The following MYO16 variants were observed in gnomAD, a reference collection of about 807,000 sequenced individuals.
The protein encoded by MYO16 is myosin XVI.
MYO16 carries 94 observed loss-of-function variants against 205.3 expected under a neutral mutation model. The observed-to-expected ratio is 0.46, with a 90% CI of 0.39 to 0.54. The LOEUF is 0.54. MYO16 is among the 20% of genes least tolerant of loss of function. MYO16 has a pLI of 0.00. For synonymous variants in MYO16, 988 were observed against 954.0 expected (o/e 1.04, Z -0.66); for missense variants, 2,315 against 2,387.5 (o/e 0.97, Z 0.63).
intron 32 of MYO16, among the ~76,000 whole-genome samples, chr13:109,143,328 TCAGA>T (rs1392887465): frequency 6.6e-6 from 1 of 152,162 alleles, no homozygotes; most frequent in Non-Finnish European, 1.5e-5. Flanking sequence ...TATTTATTCT[TCAGA>T]CAAATAAGCT....
chr13:108,528,131 A>G, the MYO16 span, among the ~76,000 whole-genome samples: 2 of 152,248 alleles, frequency 1.3e-5, no homozygotes, highest in Admixed American at 1.3e-4. Flanking sequence ...AGTGACAGGC[A>G]TCTACAGAGG....
Position 108,765,618 on chromosome 13 carries a change from C to G in MYO16, c.508-20017C>G, listed in dbSNP as rs1009352053. Among the ~76,000 whole-genome samples the G allele has an allele frequency of 5.9e-5, 9 of 152,174 alleles. 1 individual carries two copies. Among genetic ancestry groups the G allele is most frequent in the Non-Finnish European group, 1.2e-4 (8 of 68,042 alleles). ...CTGCAGTATGGAGGATGGGATGGCT[C>G]TGTTCACACATCTCATCCCCATCAG... On this transcript the variant is annotated intron_variant, in intron 4 of 34. Transcript: ENST00000457511.
chr13:109,040,415 GAA>G (rs1886848917), intron 23 of MYO16, among the ~76,000 whole-genome samples: 1 of 139,230 alleles, frequency 7.2e-6, no homozygotes, highest in Non-Finnish European at 1.6e-5. Context: ...GAGAGAGAGA[GAA>G]AATTAAAAAC....
chr13:108,855,209 TG>T, intron 10 of MYO16: 2 of 379,568 alleles, frequency 5.3e-6, no homozygotes, highest in South Asian at 1.5e-4. Context: ...ACAGGGTGTG[TG>T]CACCTGCACA....
In MYO16 at chr13:109,100,802, A is replaced by G. The variant is rs770336271; in HGVS notation, c.3353A>G (p.Asp1118Gly). The G allele has an allele frequency of 3.7e-6, 6 of 1,613,478 alleles. No homozygotes were observed. Among genetic ancestry groups the G allele is most frequent in the Non-Finnish European group, 5.1e-6 (6 of 1,179,512 alleles). The stretch of plus-strand genomic sequence containing the variant: ...TTTCACAGGTATAAGCCACTGGCTG[A>G]TACATTCCTGCGTGAGAAGAAGGAA... ...DFLSRYKPLA[D>G]TFLREKKEQS... Residue 1118 changes from aspartate to glycine, a missense_variant, in exon 28 of 35, where the codon GAT (aspartate) becomes GGT (glycine). Coordinates refer to ENST00000457511, the MANE Select transcript of MYO16 (RefSeq NM_001198950.3).
chr13:108,841,234 A>G (rs893906341), intron 9 of MYO16, among the ~76,000 whole-genome samples: 34 of 152,226 alleles, frequency 2.2e-4, no homozygotes, highest in Non-Finnish European at 4.4e-4. Context: ...TATCAATGAA[A>G]CACACTAGAG....
At chr13:108,595,473 A>G (rs1878521850), upstream of MYO16, among the ~76,000 whole-genome samples, 1 of 152,220 alleles carries the variant, frequency 6.6e-6, no homozygotes, top group East Asian at 1.9e-4. Flanking sequence ...ATATAAGGTT[A>G]CATCCCTAAG....
intron 22 of MYO16, 110 bp from the exon 23 acceptor site, chr13:109,019,601 G>C: frequency 1.3e-6 from 1 of 777,740 alleles, no homozygotes; most frequent in Non-Finnish European, 2.0e-6. Flanking sequence ...TTCATTTTCT[G>C]AGTGTCTATA....
intron 3 of MYO16, among the ~76,000 whole-genome samples, chr13:108,723,410 A>G (rs1252827386): frequency 1.3e-5 from 2 of 152,108 alleles, no homozygotes; most frequent in Non-Finnish European, 2.9e-5. Flanking sequence ...TTTTAGTATC[A>G]TACTAAGATT....
chr13:108,914,047 C>T lies in MYO16; in HGVS notation c.1925+3897C>T, dbSNP rs77196937. Among the ~76,000 whole-genome samples the T allele has an allele frequency of 2.6e-3, 392 of 151,908 alleles. 2 individuals are homozygous for T. The highest frequency in any genetic ancestry group is 8.9e-3 in the African/African-American group (367 of 41,450). ...TGATTCTGGGGGCTGCCTGATTCTACATATATGTAGTATATCTACTATTAT... is the reference window on the plus strand; with the variant it reads ...TGATTCTGGGGGCTGCCTGATTCTATATATATGTAGTATATCTACTATTAT... On this transcript the variant is annotated intron_variant, in intron 16 of 34. Transcript: ENST00000457511.
intron 27 of MYO16, among the ~76,000 whole-genome samples, chr13:109,071,374 C>A (rs1243663385): frequency 6.6e-6 from 1 of 152,118 alleles, no homozygotes; most frequent in African/African-American, 2.4e-5. Context: ...AATGCTATTA[C>A]AAAGTGTCCT....
At position 109,097,830 on chromosome 13, in the gene MYO16, G is replaced by A. The variant is rs1435028829; in HGVS notation, c.3336-2955G>A. Reference sequence around the variant, plus strand: ...CAAAAATCCATCTATGAGAAGAAAGGGTGGTTGCTGATACTGATAAATTCA... The same window carrying A: ...CAAAAATCCATCTATGAGAAGAAAGAGTGGTTGCTGATACTGATAAATTCA... On this transcript the variant is annotated intron_variant, in intron 27 of 34. Transcript: ENST00000457511. 3.3e-5 allele frequency among the ~76,000 whole-genome samples: 5 copies of A among 152,270 alleles called. No individual in the cohort carries two copies. The South Asian group carries it at 6.2e-4, about 19-fold the overall frequency.
At chr13:109,157,264 A>C (rs1878109108) in intron 32 of MYO16, among the ~76,000 whole-genome samples, 1 of 80,182 alleles carries the variant, frequency 1.2e-5, no homozygotes, top group Non-Finnish European at 2.6e-5. Flanking sequence ...AAAAAAAAAA[A>C]AAAAACCTTA....
chr13:109,188,415 CAACAT>C, intron 34 of MYO16, among the ~76,000 whole-genome samples: 1 of 152,128 alleles, frequency 6.6e-6, no homozygotes. Flanking sequence ...TTTCTGTAGG[CAACAT>C]AACAGATGAG....
At chr13:108,788,802 A>G (rs1473147425) in intron 5 of MYO16, among the ~76,000 whole-genome samples, 2 of 152,150 alleles carry the variant, frequency 1.3e-5, no homozygotes, top group African/African-American at 2.4e-5. Context: ...TCTCTTTGAC[A>G]TTCGATGACC....
intron 9 of MYO16, among the ~76,000 whole-genome samples, chr13:108,838,278 G>A (rs906172386): frequency 2.6e-5 from 4 of 151,946 alleles, no homozygotes; most frequent in African/African-American, 7.3e-5. Flanking sequence ...TACATGCAGC[G>A]TGTTTAGAAC....
intron 27 of MYO16, among the ~76,000 whole-genome samples, chr13:109,073,906 C>A (rs1251573495): frequency 6.6e-6 from 1 of 152,178 alleles, no homozygotes; most frequent in East Asian, 1.9e-4. Flanking sequence ...TGATTCCTGT[C>A]AAGATCTCAA....
intron 32 of MYO16, among the ~76,000 whole-genome samples, chr13:109,143,125 A>T (rs1244764683): frequency 6.6e-6 from 1 of 152,136 alleles, no homozygotes; most frequent in Non-Finnish European, 1.5e-5. Flanking sequence ...TTTGACCTAC[A>T]GTGTAGTAAC....
chr13:108,806,241 A>G (rs2138980785), intron 6 of MYO16, among the ~76,000 whole-genome samples: 1 of 152,378 alleles, frequency 6.6e-6, no homozygotes, highest in Admixed American at 6.5e-5. Context: ...CAGAAGCATC[A>G]CAATGACCAC....
Sources: gnomAD v4.1 joint callset for allele counts (sites outside exome capture counted in the v4.1 genomes callset) on GRCh38, gnomAD v4.1.1 for gene constraint, MANE v1.5 for transcripts, NCBI Gene and HGNC (gene_info 2026-07-23, HGNC 2026-07-21) for gene names.